Variants in PPARGC1B observed in about 807,000 individuals in gnomAD.
PPARGC1B encodes the protein PPARG coactivator 1 beta.
PPARGC1B carries 34 observed loss-of-function variants against 101.6 expected under a neutral mutation model. The ratio of observed to expected loss-of-function variants is 0.33; its 90% CI spans 0.25 to 0.45. PPARGC1B has a LOEUF of 0.45. Ranked by LOEUF, PPARGC1B falls within the 20% of genes least tolerant of loss-of-function variation. The pLI, the probability that PPARGC1B is intolerant of heterozygous loss-of-function variation, is 1.00. For synonymous variants in PPARGC1B, 548 were observed against 539.3 expected, an observed-to-expected ratio of 1.02 and a Z score of -0.22; for missense variants, 1,234 against 1,317.6, an observed-to-expected ratio of 0.94 and a Z score of 0.98.
intron 1 of PPARGC1B, among the ~76,000 whole-genome samples, chr5:149,733,618 G>A (rs143308017): frequency 8.9e-4 from 135 of 152,318 alleles, no homozygotes; most frequent in South Asian, 2.7e-3. Context: ...TAGGCACATG[G>A]ATTACAGACA....
intron 8 of PPARGC1B, among the ~76,000 whole-genome samples, chr5:149,839,564 T>C (rs537332909): frequency 4.1e-4 from 63 of 152,262 alleles, no homozygotes; most frequent in Middle Eastern, 3.4e-3. Context: ...AAGGGAACAG[T>C]GGTTCTGGAA....
chr5:149,817,505 T>C, intron 1 of PPARGC1B: 1 of 338,978 alleles, frequency 3.0e-6, no homozygotes, highest in East Asian at 7.7e-5. Context: ...CGTGAAAAGA[T>C]AGATTTTGTT....
intron 11 of PPARGC1B, 135 bp downstream of exon 11, chr5:149,846,049 A>C (rs1759543200): frequency 9.6e-7 from 1 of 1,041,304 alleles, no homozygotes; most frequent in Non-Finnish European, 1.5e-6. Flanking sequence ...GCTGCTTGGT[A>C]TAACTTTGCA....
chr5:149,842,307 C>T lies in PPARGC1B; in HGVS notation c.2746C>T (p.Arg916Ter), dbSNP rs1233280221. ...IQNLSSDMSS[R>*]ELKRRFEVFG... ...AAATCTCTCCAGCGACATGAGCTCC[C>T]GAGAGCTGAAGAGGCGCTTTGAAGT... Residue 916 changes from arginine to a stop codon, truncating the protein, a stop_gained, in exon 10 of 12, where the codon CGA becomes TGA. Transcript: ENST00000309241. LOFTEE classifies it high-confidence loss of function. 4 of 1,613,978 alleles carry T rather than the reference C, an allele frequency of 2.5e-6. No individual in the cohort carries two copies. Among genetic ancestry groups the T allele is most frequent in the East Asian group, 2.2e-5 (1 of 44,894 alleles).
chr5:149,847,516 T>G lies in PPARGC1B; in HGVS notation c.3030T>G (p.Asp1010Glu). The change falls in exon 12 of 12, where the codon GAT becomes GAG. Residue 1010 changes from aspartate to glutamate, a missense_variant. Asp to Glu is a conservative substitution (Grantham distance 45). Transcript: ENST00000309241. The stretch of plus-strand genomic sequence containing the variant: ...GGAAAAGCAAGTATGAAGCCATGGA[T>G]TTTGACAGCTTACTGAAAGAGGCCC... ...ASGKSKYEAM[D>E]FDSLLKEAQQ... The G allele has an allele frequency of 6.2e-7, 1 of 1,614,170 alleles. No individual in the cohort carries two copies. Among genetic ancestry groups the G allele is most frequent in the South Asian group, 1.1e-5 (1 of 91,076 alleles).
intron 1 of PPARGC1B, among the ~76,000 whole-genome samples, chr5:149,752,687 G>T (rs1755360400): frequency 6.6e-6 from 1 of 152,156 alleles, no homozygotes; most frequent in Non-Finnish European, 1.5e-5. Context: ...AAATTAGCCA[G>T]GCGTGGTGGC....
chr5:149,752,001 A>G (rs1396014333), intron 1 of PPARGC1B, among the ~76,000 whole-genome samples: 3 of 152,182 alleles, frequency 2.0e-5, no homozygotes, highest in Admixed American at 6.5e-5. Context: ...CTGAAAGCAA[A>G]TTGCCAATTG....
At chr5:149,803,080 C>T (rs1042022955) in intron 1 of PPARGC1B, among the ~76,000 whole-genome samples, 2 of 152,176 alleles carry the variant, frequency 1.3e-5, no homozygotes, top group African/African-American at 2.4e-5. Context: ...ACCCTGCCCA[C>T]GTGCTGACCC....
At chr5:149,777,506 G>T (rs1756411596) in intron 1 of PPARGC1B, among the ~76,000 whole-genome samples, 1 of 152,134 alleles carries the variant, frequency 6.6e-6, no homozygotes, top group East Asian at 1.9e-4. Flanking sequence ...GGCCTGCCTG[G>T]CTCTGAGCTC....
chr5:149,847,241 G>C, intron 11 of PPARGC1B: 1 of 686,954 alleles, frequency 1.5e-6, no homozygotes, highest in South Asian at 1.6e-5. Context: ...TCTCTAGATA[G>C]GACAGCCAAG....
chr5:149,733,490 C>A (rs1018329268), intron 1 of PPARGC1B, among the ~76,000 whole-genome samples: 3 of 152,230 alleles, frequency 2.0e-5, no homozygotes, highest in Admixed American at 2.0e-4. Flanking sequence ...TACAACCAAG[C>A]ACTTTGTGTG....
At chr5:149,826,344 G>A (rs909136060) in intron 2 of PPARGC1B, among the ~76,000 whole-genome samples, 1 of 152,154 alleles carries the variant, frequency 6.6e-6, no homozygotes, top group Non-Finnish European at 1.5e-5. Flanking sequence ...GGAGGTAGGC[G>A]TCACTCAGGT....
At chr5:149,805,551 T>G (rs1227205321) in intron 1 of PPARGC1B, among the ~76,000 whole-genome samples, 1 of 152,164 alleles carries the variant, frequency 6.6e-6, no homozygotes, top group South Asian at 2.1e-4. Context: ...GCGATTCACC[T>G]GCCTCTGCCT....
At chr5:149,839,183 T>A (rs947223997) in intron 8 of PPARGC1B, among the ~76,000 whole-genome samples, 1 of 152,260 alleles carries the variant, frequency 6.6e-6, no homozygotes, top group African/African-American at 2.4e-5. Flanking sequence ...AGCATTGACA[T>A]GCACTTTTAA....
intron 1 of PPARGC1B, among the ~76,000 whole-genome samples, chr5:149,784,365 G>T (rs1756708466): frequency 6.6e-6 from 1 of 151,862 alleles, no homozygotes; most frequent in Non-Finnish European, 1.5e-5. Context: ...TGCCATGTTT[G>T]GCTGCATCTC....
In PPARGC1B at chr5:149,836,957, C is replaced by T. The variant is rs759959725; in HGVS notation, c.2502C>T (p.His834=). 7 of 1,614,010 alleles carry T rather than the reference C, an allele frequency of 4.3e-6. No individual in the cohort carries two copies. The highest frequency in any genetic ancestry group is 5.9e-6 in the Non-Finnish European group (7 of 1,180,058). ...DSGVSPTCSD[H]CPYQSPPSKA... is the part of the protein sequence containing the mutation. ...GGGTCAGCCCCACTTGCTCTGACCA[C>T]TGCCCCTACCAGAGCCCACCAAGCA... Residue 834 remains histidine (H), a synonymous_variant, in exon 8 of 12, where the codon CAC becomes CAT. Coordinates refer to ENST00000309241, the MANE Select transcript of PPARGC1B (RefSeq NM_133263.4).
At chr5:149,738,607 A>AT (rs537635139) in intron 1 of PPARGC1B, among the ~76,000 whole-genome samples, 24,483 of 145,430 alleles carry the variant, frequency 0.17, 2,253 homozygotes, top group South Asian at 0.32. Context: ...TCTGGAAAGC[A>AT]TTTTTTTTTT....
At chr5:149,840,916 CA>C (rs1218342244) in intron 9 of PPARGC1B, among the ~76,000 whole-genome samples, 51 of 152,258 alleles carry the variant, frequency 3.3e-4, no homozygotes, top group African/African-American at 1.2e-3. Context: ...GCTGTCTGCA[CA>C]CAGGTCCTTA....
chr5:149,845,790 GTGT>G lies in PPARGC1B; in HGVS notation c.2849_2851del (p.Cys950del), dbSNP rs1019737490. 9.3e-6 allele frequency: 15 copies of G among 1,613,516 alleles called. No homozygotes were observed. The highest frequency in any genetic ancestry group is 1.2e-5 in the Non-Finnish European group (14 of 1,179,598). On this transcript the variant is annotated inframe_deletion, in exon 11 of 12. Coordinates refer to ENST00000309241, the MANE Select transcript of PPARGC1B (RefSeq NM_133263.4). ...AGAAGTACGGCTTCATCACCTACCG[GTGT>G]TCTGAGCACGCGGCCCTCTCTTTGA...
Sources: allele counts gnomAD v4.1 joint callset (sites outside exome capture counted in the v4.1 genomes callset), GRCh38; gene constraint gnomAD v4.1.1; transcripts MANE v1.5; gene names NCBI Gene and HGNC (gene_info 2026-07-23, HGNC 2026-07-21).